ZNF609: variants seen among roughly 807,000 people sequenced by gnomAD.
The protein encoded by ZNF609 is zinc finger protein 609.
ZNF609 carries 11 observed loss-of-function variants against 109.5 expected under a neutral mutation model. The ratio of observed to expected loss-of-function variants is 0.10; its 90% CI spans 0.06 to 0.17. The LOEUF (loss-of-function observed/expected upper bound fraction) is 0.17. ZNF609 is among the 10% of genes least tolerant of loss of function. ZNF609 has a pLI of 1.00. For synonymous variants in ZNF609, 646 were observed against 662.0 expected, an observed-to-expected ratio of 0.98 and a Z score of 0.37; for missense variants, 1,559 against 1,772.4, an observed-to-expected ratio of 0.88 and a Z score of 2.16.
chr15:64,517,864 C>G (rs995388582), intron 2 of ZNF609, among the ~76,000 whole-genome samples: 3 of 152,036 alleles, frequency 2.0e-5, no homozygotes, highest in African/African-American at 7.2e-5. Flanking sequence ...ACTATAACCT[C>G]TGCCTCCTGG....
At chr15:64,563,595 T>C (rs1894722384) in intron 2 of ZNF609, among the ~76,000 whole-genome samples, 1 of 151,294 alleles carries the variant, frequency 6.6e-6, no homozygotes, top group Non-Finnish European at 1.5e-5. Flanking sequence ...CTGACCAACA[T>C]GGAGAAACCC....
Position 64,674,809 on chromosome 15 carries a change from G to A in ZNF609, c.1955G>A (p.Ser652Asn). Residue 652 changes from serine (S) to asparagine (N), a missense_variant, in exon 5 of 10, where the codon AGC (serine) becomes AAC (asparagine). Around this residue, in one of 4 missense-constraint regions of ZNF609, gnomAD observed 1,204 missense variants for 1,314.1 expected, o/e 0.92. Coordinates refer to ENST00000326648, the MANE Select transcript of ZNF609 (RefSeq NM_015042.2). ...SLKPEKIPSK[S>N]LKSARPIAPA... is the part of the protein sequence containing the mutation. Reference sequence around the variant, plus strand: ...AAACCTGAAAAGATTCCTTCCAAGAGCCTAAAGTCAGCCCGTCCCATTGCC... The same window carrying A: ...AAACCTGAAAAGATTCCTTCCAAGAACCTAAAGTCAGCCCGTCCCATTGCC... 1 of 1,614,100 alleles carries A rather than the reference G, an allele frequency of 6.2e-7. No homozygotes were observed. Among genetic ancestry groups the A allele is most frequent in the Non-Finnish European group, 8.5e-7 (1 of 1,180,018 alleles).
intron 2 of ZNF609, among the ~76,000 whole-genome samples, chr15:64,595,375 A>AT (rs1412715626): frequency 1.3e-5 from 2 of 151,850 alleles, no homozygotes; most frequent in African/African-American, 4.8e-5. Context: ...AAAAAAAAAA[A>AT]AAAATCGAAG....
intron 3 of ZNF609, among the ~76,000 whole-genome samples, chr15:64,661,606 G>A (rs947831675): frequency 6.6e-6 from 1 of 152,178 alleles, no homozygotes; most frequent in African/African-American, 2.4e-5. Context: ...CAATGCTACT[G>A]GAATATTCAG....
Position 64,541,819 on chromosome 15 carries a change from G to A in ZNF609, c.747+41653G>A, listed in dbSNP as rs1167535736. Among the ~76,000 whole-genome samples the A allele has an allele frequency of 4.1e-5, 5 of 123,006 alleles. No individual in the cohort carries two copies. The East Asian group carries it at 9.6e-4, about 24-fold the overall frequency. 80.7% of individuals were successfully genotyped at this position (123,006 alleles called of 152,430 possible). A position where few individuals can be genotyped will look rare whatever the true frequency, so the allele number is the denominator to read the frequency against. ...CGTGCCACTGCACGCCAGCCTGGGC[G>A]ACAGAGCGAGACTCCAACTCAAAAA... On this transcript the variant is annotated intron_variant, in intron 2 of 9. Coordinates refer to ENST00000326648, the MANE Select transcript of ZNF609 (RefSeq NM_015042.2).
At chr15:64,550,324 ATTG>A (rs35706760) in intron 2 of ZNF609, among the ~76,000 whole-genome samples, 34,127 of 150,866 alleles carry the variant, frequency 0.23, 4,901 homozygotes, top group Admixed American at 0.4. Flanking sequence ...TGTTGTTGTT[ATTG>A]TTGTTGTTGT....
At chr15:64,482,155 G>A (rs1893263405) in intron 1 of ZNF609, among the ~76,000 whole-genome samples, 2 of 152,166 alleles carry the variant, frequency 1.3e-5, no homozygotes, top group Non-Finnish European at 2.9e-5. Context: ...CTTAATCATG[G>A]TGTGAAAGAT....
intron 2 of ZNF609, among the ~76,000 whole-genome samples, chr15:64,616,285 C>T (rs1405942142): frequency 6.6e-6 from 1 of 151,714 alleles, no homozygotes; most frequent in Non-Finnish European, 1.5e-5. Context: ...TAAACCATCA[C>T]ATTTGGCCTT....
At chr15:64,503,706 G>A (rs2076309400) in intron 2 of ZNF609, among the ~76,000 whole-genome samples, 1 of 152,188 alleles carries the variant, frequency 6.6e-6, no homozygotes, top group Non-Finnish European at 1.5e-5. Flanking sequence ...CATGTCTTTA[G>A]CTGCTGCTTT....
intron 3 of ZNF609, among the ~76,000 whole-genome samples, chr15:64,639,128 A>T (rs1353997484): frequency 6.6e-6 from 1 of 152,134 alleles, no homozygotes; most frequent in Non-Finnish European, 1.5e-5. Flanking sequence ...TGGAGCTTGG[A>T]CTTGCCTATT....
intron 2 of ZNF609, among the ~76,000 whole-genome samples, chr15:64,575,364 C>T (rs1039287601): frequency 2.6e-5 from 4 of 151,568 alleles, no homozygotes; most frequent in African/African-American, 9.7e-5. Context: ...GCGGAGGTTG[C>T]AGTGAGCCTA....
At chr15:64,605,902 C>CTTTTTTT (rs10542161) in intron 2 of ZNF609, among the ~76,000 whole-genome samples, 8 of 70,688 alleles carry the variant, frequency 1.1e-4, no homozygotes, top group Non-Finnish European at 1.9e-4. Flanking sequence ...CCCGGCTAAT[C>CTTTTTTT]TTTTTTTTTT....
intron 2 of ZNF609, among the ~76,000 whole-genome samples, chr15:64,559,712 C>T (rs775102113): frequency 5.9e-5 from 9 of 152,158 alleles, no homozygotes; most frequent in Non-Finnish European, 1.2e-4. Flanking sequence ...TAGAACATGT[C>T]TGTTTTGTGT....
At chr15:64,606,779 G>T (rs981235539) in intron 2 of ZNF609, among the ~76,000 whole-genome samples, 1 of 151,926 alleles carries the variant, frequency 6.6e-6, no homozygotes, top group Non-Finnish European at 1.5e-5. Context: ...GAGGCAGGAG[G>T]ATCACCTGAG....
At chr15:64,665,798 C>T (rs972148501) in intron 3 of ZNF609, among the ~76,000 whole-genome samples, 6 of 151,630 alleles carry the variant, frequency 4.0e-5, no homozygotes, top group African/African-American at 1.5e-4. Flanking sequence ...CCCAGCTACT[C>T]GGGAGGCTGA....
intron 2 of ZNF609, among the ~76,000 whole-genome samples, chr15:64,608,024 G>C (rs961842938): frequency 1.4e-5 from 2 of 147,808 alleles, no homozygotes; most frequent in African/African-American, 5.1e-5. Context: ...TCAGCTTCCT[G>C]AGTAGCTGGG....
At chr15:64,610,044 T>G (rs1011551698) in intron 2 of ZNF609, among the ~76,000 whole-genome samples, 10 of 150,168 alleles carry the variant, frequency 6.7e-5, no homozygotes, top group Non-Finnish European at 1.2e-4. Context: ...GTTCTCAGTT[T>G]TTAAGAATTT....
At chr15:64,586,576 C>A (rs1212633480) in intron 2 of ZNF609, among the ~76,000 whole-genome samples, 1 of 152,064 alleles carries the variant, frequency 6.6e-6, no homozygotes, top group African/African-American at 2.4e-5. Context: ...GTCATGCGTT[C>A]CTTATGTGAA....
chr15:64,629,419 GAGGT>G (rs1896027934), intron 3 of ZNF609, among the ~76,000 whole-genome samples: 1 of 152,214 alleles, frequency 6.6e-6, no homozygotes, highest in East Asian at 1.9e-4. Context: ...AGAGAATTTG[GAGGT>G]AGGTAGGTAA....
Sources: gnomAD v4.1 joint callset for allele counts (sites outside exome capture counted in the v4.1 genomes callset) on GRCh38, gnomAD v4.1.1 for gene constraint, gnomAD v4.1.1 regional missense constraint, MANE v1.5 for transcripts, NCBI Gene and HGNC (gene_info 2026-07-23, HGNC 2026-07-21) for gene names.